PLXNA2: variants seen among roughly 807,000 people sequenced by gnomAD.
PLXNA2 encodes plexin-A2.
Under a neutral mutation model 193.5 loss-of-function variants are expected in PLXNA2, and 91 were observed. The ratio of observed to expected loss-of-function variants is 0.47; its 90% confidence interval spans 0.40 to 0.56. The LOEUF is 0.56. PLXNA2 is among the 20% of genes least tolerant of loss of function. The probability of loss-of-function intolerance (pLI) is 0.00; values close to 1 mark genes in which losing one functional copy is unlikely to be tolerated. For synonymous variants in PLXNA2, 997 were observed against 1,027.3 expected (o/e 0.97, Z 0.56); for missense variants, 1,995 against 2,503.2 (o/e 0.80, Z 4.33).
intron 4 of PLXNA2, among the ~76,000 whole-genome samples, chr1:208,135,719 T>C (rs772540154): frequency 6.6e-6 from 1 of 152,220 alleles, no homozygotes; most frequent in Non-Finnish European, 1.5e-5. Context: ...GGGCCTCGTC[T>C]TTCTTATCTG....
chr1:208,097,651 A>AAT (rs1239868537), intron 6 of PLXNA2, among the ~76,000 whole-genome samples: 1 of 152,162 alleles, frequency 6.6e-6, no homozygotes, highest in African/African-American at 2.4e-5. Context: ...CGATTGAGAA[A>AAT]ATATTCAATG....
intron 11 of PLXNA2, 51 bp from the exon 12 acceptor site, chr1:208,079,501 A>C (rs764918497): frequency 9.5e-6 from 13 of 1,368,698 alleles, no homozygotes; most frequent in Non-Finnish European, 1.3e-5. Context: ...GCTGCTCACA[A>C]TGCACCCTCC....
rs1261812536 is a variant in PLXNA2, at chr1:208,082,499, C to T, written c.2308G>A (p.Asp770Asn). Residue 770 changes from aspartate (D) to asparagine (N), a missense_variant, in exon 11 of 32, where the codon GAT (aspartate) becomes AAT (asparagine). Physicochemically the swap from Asp to Asn is conservative, Grantham distance 23. Transcript: ENST00000367033. This position sits in a 1 kb window ranked among gnomAD's most constrained non-coding sequence, Gnocchi z 4.2. ...VQCQNSSYQY[D>N]GMDISNLAVD... ...GCCAGATTGCTGATGTCCATGCCAT[C>T]ATACTGGTACTATAGGGAGACGGGC... 1.9e-6 allele frequency: 3 copies of T among 1,613,840 alleles called. No individual in the cohort carries two copies. The Admixed American group carries it at 5.0e-5, about 27-fold the overall frequency.
At position 208,117,327 on chromosome 1, in the gene PLXNA2, C is replaced by T. The variant is rs530554618; in HGVS notation, c.1507-14080G>A. Among the ~76,000 whole-genome samples, 165 of 152,264 alleles carry T rather than the reference C, an allele frequency of 1.1e-3. 5 individuals are homozygous for T. In the South Asian group the frequency reaches 0.033, roughly 30 times the overall value. ...AACCCAGAGGGTAGGCTGGCGAGCC[C>T]GCAGGAGGCAGAGCGAAGCAGGAAC... On this transcript the variant is annotated intron_variant, in intron 4 of 31. Transcript: ENST00000367033.
At chr1:208,133,427 A>G (rs1409328414) in intron 4 of PLXNA2, among the ~76,000 whole-genome samples, 1 of 152,250 alleles carries the variant, frequency 6.6e-6, no homozygotes, top group Non-Finnish European at 1.5e-5. Context: ...AACAGCAAAA[A>G]GAAATCAAGA....
chr1:208,073,087 T>C (rs1421797680), intron 12 of PLXNA2, among the ~76,000 whole-genome samples: 1 of 152,124 alleles, frequency 6.6e-6, no homozygotes, highest in South Asian at 2.1e-4. Context: ...AACTCTTAAG[T>C]GAAGATAATA....
intron 9 of PLXNA2, among the ~76,000 whole-genome samples, chr1:208,091,027 T>G (rs998291736): frequency 6.6e-6 from 1 of 152,234 alleles, no homozygotes; most frequent in African/African-American, 2.4e-5. Flanking sequence ...GGGCTGGAGT[T>G]AATCTCCAGT....
Position 208,038,397 on chromosome 1 carries a change from G to T in PLXNA2, c.4738C>A (p.Arg1580=). 9 of 1,613,464 alleles carry T rather than the reference G, an allele frequency of 5.6e-6. No homozygotes were observed. Among genetic ancestry groups the T allele is most frequent in the Non-Finnish European group, 7.6e-6 (9 of 1,179,404 alleles). ...TGATAATGCATCAGTGTGTTGAGCC[G>T]CTTCCAGTCACCCTCAATCTTGGTG... ...ITTKIEGDWK[R]LNTLMHYQVS... Residue 1580 remains arginine, a synonymous_variant, in exon 26 of 32, where the codon CGG becomes AGG. Transcript: ENST00000367033. The surrounding 1 kb of genome is among the most constrained non-coding windows in gnomAD (Gnocchi z 4.1).
At chr1:208,189,890 G>A (rs892494121) in intron 3 of PLXNA2, among the ~76,000 whole-genome samples, 2 of 152,158 alleles carry the variant, frequency 1.3e-5, no homozygotes, top group African/African-American at 4.8e-5. Context: ...AGAAGCTGGA[G>A]GTTGGCAGAG....
intron 4 of PLXNA2, among the ~76,000 whole-genome samples, chr1:208,126,325 G>A (rs555631183): frequency 6.6e-6 from 1 of 152,298 alleles, no homozygotes; most frequent in Admixed American, 6.5e-5. Context: ...GGCTTTTCCT[G>A]TGGTTCTGGA....
chr1:208,232,358 C>T (rs1422391318), intron 1 of PLXNA2, among the ~76,000 whole-genome samples: 1 of 152,194 alleles, frequency 6.6e-6, no homozygotes, highest in Non-Finnish European at 1.5e-5. Flanking sequence ...CTCCTATCTG[C>T]CTTGACTCCT....
At chr1:208,191,841 G>A (rs1442692110) in intron 3 of PLXNA2, among the ~76,000 whole-genome samples, 1 of 152,174 alleles carries the variant, frequency 6.6e-6, no homozygotes, top group South Asian at 2.1e-4. Context: ...TGGAAGATGA[G>A]GAGGTGTTAG....
At chr1:208,227,568 G>A (rs2102631382) in intron 1 of PLXNA2, among the ~76,000 whole-genome samples, 1 of 152,298 alleles carries the variant, frequency 6.6e-6, no homozygotes, top group South Asian at 2.1e-4. Flanking sequence ...AGTACTTTAT[G>A]TTAAAGGTCA....
At chr1:208,132,481 T>C (rs1237591897) in intron 4 of PLXNA2, among the ~76,000 whole-genome samples, 1 of 152,186 alleles carries the variant, frequency 6.6e-6, no homozygotes, top group Non-Finnish European at 1.5e-5. Flanking sequence ...CTTAGTCAGT[T>C]TGAATTTCAG....
At chr1:208,103,725 C>T (rs909974926) in intron 4 of PLXNA2, among the ~76,000 whole-genome samples, 4 of 152,252 alleles carry the variant, frequency 2.6e-5, no homozygotes, top group African/African-American at 9.6e-5. Flanking sequence ...AGACTCTTTA[C>T]AGCCAACCAA....
intron 2 of PLXNA2, among the ~76,000 whole-genome samples, chr1:208,211,431 C>T (rs956370704): frequency 5.9e-5 from 9 of 152,122 alleles, no homozygotes; most frequent in African/African-American, 1.9e-4. Flanking sequence ...CGGTGGCTCA[C>T]GCCTGTAATC....
At chr1:208,072,594 G>A (rs944694592) in intron 12 of PLXNA2, among the ~76,000 whole-genome samples, 21 of 152,128 alleles carry the variant, frequency 1.4e-4, no homozygotes, top group African/African-American at 4.6e-4. Flanking sequence ...TTAGCTTAAT[G>A]GCCATCTCAT....
intron 29 of PLXNA2, chr1:208,029,848 C>T (rs2102297354): frequency 1.0e-6 from 1 of 985,628 alleles, no homozygotes; most frequent in Non-Finnish European, 1.2e-6. Flanking sequence ...ACAGCTGCTG[C>T]TTTTACTTCC....
intron 17 of PLXNA2, among the ~76,000 whole-genome samples, chr1:208,047,024 G>C (rs534358628): frequency 2.6e-5 from 4 of 152,052 alleles, no homozygotes; most frequent in African/African-American, 9.7e-5. Context: ...GCAGTGGTGC[G>C]ATCTCAGCTC....
Sources: gnomAD v4.1 joint callset for allele counts (sites outside exome capture counted in the v4.1 genomes callset) on GRCh38, gnomAD v4.1.1 for gene constraint, Gnocchi (gnomAD v3.1) non-coding constraint, MANE v1.5 for transcripts, NCBI Gene and HGNC (gene_info 2026-07-23, HGNC 2026-07-21) for gene names.